The following CACNA2D3 variants were observed in gnomAD, a reference collection of about 807,000 sequenced individuals.
CACNA2D3 encodes the protein voltage-dependent calcium channel subunit alpha-2/delta-3.
A neutral mutation model predicts 160.6 loss-of-function variants in CACNA2D3; 60 were observed. The observed-to-expected ratio is 0.37, with a 90% confidence interval of 0.30 to 0.46. The LOEUF (loss-of-function observed/expected upper bound fraction) is 0.46, where lower values mean the gene tolerates loss of function less well. Among genes scored for constraint, CACNA2D3 ranks in the 20% least tolerant of loss-of-function variants. CACNA2D3 has a pLI of 1.00. For synonymous variants in CACNA2D3, 558 were observed against 492.9 expected (o/e 1.13, Z -1.75); for missense variants, 1,205 against 1,365.0 (o/e 0.88, Z 1.85).
intron 2 of CACNA2D3, among the ~76,000 whole-genome samples, chr3:54,284,279 A>T (rs1320549170): frequency 6.6e-6 from 1 of 151,726 alleles, no homozygotes; most frequent in African/African-American, 2.4e-5. Context: ...ATAATAAAAA[A>T]TAAAATTAAA....
In CACNA2D3 at chr3:54,700,668, C is replaced by G. The variant is rs116501223; in HGVS notation, c.1168-51931C>G. Among the ~76,000 whole-genome samples the G allele has an allele frequency of 6.8e-3, 1,028 of 152,196 alleles. 20 individuals are homozygous for G. The highest frequency in any genetic ancestry group is 0.023 in the African/African-American group (972 of 41,498). On this transcript the variant is annotated intron_variant, in intron 11 of 37. Transcript: ENST00000474759. ...TAATTTATGAGACTTGAATCAATAACCAGTTGGTAGAAGAATGGTAAATAG... is the reference window on the plus strand; with the variant it reads ...TAATTTATGAGACTTGAATCAATAAGCAGTTGGTAGAAGAATGGTAAATAG...
intron 3 of CACNA2D3, among the ~76,000 whole-genome samples, chr3:54,366,936 G>A (rs768779091): frequency 7.9e-5 from 12 of 152,200 alleles, no homozygotes; most frequent in Middle Eastern, 3.2e-3. Context: ...TGGGAAGGGT[G>A]TTCCAAATTC....
intron 2 of CACNA2D3, among the ~76,000 whole-genome samples, chr3:54,285,513 GACAA>G (rs1284433256): frequency 6.6e-6 from 1 of 152,240 alleles, no homozygotes; most frequent in African/African-American, 2.4e-5. Context: ...GCAGGGCACA[GACAA>G]ACAAAAAGAC....
chr3:54,449,586 A>T (rs1205500186), intron 4 of CACNA2D3, among the ~76,000 whole-genome samples: 5 of 151,976 alleles, frequency 3.3e-5, no homozygotes, highest in African/African-American at 9.7e-5. Flanking sequence ...GTGGGAGGTG[A>T]TTGGATCATG....
intron 31 of CACNA2D3, among the ~76,000 whole-genome samples, chr3:54,994,957 GTCTT>G (rs570923766): frequency 7.0e-4 from 107 of 152,190 alleles, no homozygotes; most frequent in African/African-American, 2.4e-3. Context: ...GAGAAAGAAA[GTCTT>G]TCTTTTTATT....
intron 4 of CACNA2D3, among the ~76,000 whole-genome samples, chr3:54,402,703 T>A (rs1699491728): frequency 6.6e-6 from 1 of 152,156 alleles, no homozygotes; most frequent in East Asian, 1.9e-4. Flanking sequence ...TATCCCACTT[T>A]CAACAATGGA....
intron 13 of CACNA2D3, among the ~76,000 whole-genome samples, chr3:54,812,652 G>T (rs556647957): frequency 6.6e-6 from 1 of 152,306 alleles, no homozygotes; most frequent in East Asian, 1.9e-4. Flanking sequence ...ATGCCCAGAT[G>T]GAATGGCCCA....
intron 10 of CACNA2D3, among the ~76,000 whole-genome samples, chr3:54,641,621 T>C (rs997905250): frequency 2.0e-5 from 3 of 152,218 alleles, no homozygotes; most frequent in Non-Finnish European, 2.9e-5. Flanking sequence ...TAAATAAATA[T>C]ATTTTGGAGT....
At chr3:54,360,642 T>C (rs761751573) in intron 3 of CACNA2D3, among the ~76,000 whole-genome samples, 24 of 152,350 alleles carry the variant, frequency 1.6e-4, no homozygotes, top group Non-Finnish European at 3.1e-4. Context: ...TCTTGGCTCC[T>C]CTGTGCTCAG....
chr3:54,594,456 G>A (rs28594819), intron 9 of CACNA2D3, among the ~76,000 whole-genome samples: 19,056 of 152,180 alleles, frequency 0.13, 3,690 homozygotes, highest in African/African-American at 0.42. Flanking sequence ...ATTAGCATCA[G>A]GTTAAAATCT....
intron 17 of CACNA2D3, among the ~76,000 whole-genome samples, chr3:54,863,742 TGTTTTA>T (rs1419984994): frequency 6.6e-6 from 1 of 152,030 alleles, no homozygotes; most frequent in East Asian, 1.9e-4. Context: ...ATACCAAAGC[TGTTTTA>T]GTTTTACAGC....
intron 6 of CACNA2D3, among the ~76,000 whole-genome samples, chr3:54,567,539 C>T (rs945943381): frequency 2.0e-5 from 3 of 151,920 alleles, no homozygotes; most frequent in Non-Finnish European, 2.9e-5. Flanking sequence ...TGTTGTTGTT[C>T]TCTGTTTGTT....
chr3:54,466,170 C>G (rs1700622213), intron 4 of CACNA2D3, among the ~76,000 whole-genome samples: 1 of 152,186 alleles, frequency 6.6e-6, no homozygotes, highest in Non-Finnish European at 1.5e-5. Context: ...TTAATTTCAT[C>G]TGCAAAATAC....
In CACNA2D3 at chr3:54,396,726, T is replaced by G. The variant is rs201490459; in HGVS notation, c.381+9952T>G. ...TGCTGGATTCGTTTTGCCAGTATTTTATTGAGGATTTTTGCATCAATGTTC... is the reference window on the plus strand; with the variant it reads ...TGCTGGATTCGTTTTGCCAGTATTTGATTGAGGATTTTTGCATCAATGTTC... On this transcript the variant is annotated intron_variant, in intron 4 of 37. Coordinates refer to ENST00000474759, the MANE Select transcript of CACNA2D3 (RefSeq NM_018398.3). Among the ~76,000 whole-genome samples, 372 of 48,854 alleles carry G rather than the reference T, an allele frequency of 7.6e-3. 8 individuals are homozygous for G. Among genetic ancestry groups the G allele is most frequent in the African/African-American group, 0.016 (175 of 10,900 alleles). 32.1% of individuals were successfully genotyped at this position (48,854 alleles called of 152,430 possible).
At chr3:54,732,961 C>T (rs1000918602) in intron 11 of CACNA2D3, among the ~76,000 whole-genome samples, 5 of 152,212 alleles carry the variant, frequency 3.3e-5, no homozygotes, top group South Asian at 2.1e-4. Flanking sequence ...ACTTGGACAT[C>T]GGTGGAAGTA....
In CACNA2D3 at chr3:54,508,482, G is replaced by A. The variant is rs143291352; in HGVS notation, c.544+4828G>A. On this transcript the variant is annotated intron_variant, in intron 5 of 37. Coordinates refer to ENST00000474759, the MANE Select transcript of CACNA2D3 (RefSeq NM_018398.3). Reference sequence around the variant, plus strand: ...TGAGCATATCAGCCCCATGAAGGCGGGAACCCCAGCAGGATACCCAGCACA... The same window carrying A: ...TGAGCATATCAGCCCCATGAAGGCGAGAACCCCAGCAGGATACCCAGCACA... 1.7e-3 allele frequency among the ~76,000 whole-genome samples: 258 copies of A among 152,320 alleles called. 3 individuals carry two copies. Among genetic ancestry groups the A allele is most frequent in the African/African-American group, 4.8e-3 (198 of 41,580 alleles).
chr3:54,618,336 T>C (rs985336499), intron 9 of CACNA2D3, among the ~76,000 whole-genome samples: 2 of 130,544 alleles, frequency 1.5e-5, no homozygotes, highest in African/African-American at 5.5e-5. Context: ...AAAGTTCAAA[T>C]TGATGTTGAT....
intron 2 of CACNA2D3, among the ~76,000 whole-genome samples, chr3:54,237,598 G>T (rs760422810): frequency 2.8e-4 from 42 of 152,238 alleles, no homozygotes; most frequent in Non-Finnish European, 4.0e-4. Flanking sequence ...GAAGAGGAAT[G>T]TTAGCTCACC....
intron 13 of CACNA2D3, among the ~76,000 whole-genome samples, chr3:54,798,633 A>ACATAGTAAC (rs1181608959): frequency 6.6e-6 from 1 of 152,204 alleles, no homozygotes. Context: ...GTAATTGGTA[A>ACATAGTAAC]ATAGAGAATG....
Sources: allele counts gnomAD v4.1 joint callset (sites outside exome capture counted in the v4.1 genomes callset), GRCh38; gene constraint gnomAD v4.1.1; transcripts MANE v1.5; gene names NCBI Gene and HGNC (gene_info 2026-07-23, HGNC 2026-07-21).